The following VEGFC variants were observed in gnomAD, a reference collection of about 807,000 sequenced individuals.
VEGFC encodes the protein FLT4 ligand DHM.
Under a neutral mutation model 46.1 loss-of-function variants are expected in VEGFC, and 12 were observed. That is an observed-to-expected ratio of 0.26 (90% CI 0.17 to 0.42). The LOEUF (loss-of-function observed/expected upper bound fraction) is 0.42, where lower values mean the gene tolerates loss of function less well. Ranked by LOEUF, VEGFC falls within the 10% of genes least tolerant of loss-of-function variation. VEGFC has a pLI of 1.00. For synonymous variants in VEGFC, 232 were observed against 195.5 expected, an observed-to-expected ratio of 1.19 and a Z score of -1.56; for missense variants, 488 against 529.4, an observed-to-expected ratio of 0.92 and a Z score of 0.77.
chr4:176,697,505 G>A (rs930607340), intron 4 of VEGFC, among the ~76,000 whole-genome samples: 90 of 151,716 alleles, frequency 5.9e-4, no homozygotes, highest in Non-Finnish European at 1.1e-3. Context: ...GAGAGGATGT[G>A]GAGAAATAGG....
intron 4 of VEGFC, among the ~76,000 whole-genome samples, chr4:176,701,056 A>C (rs1478488132): frequency 6.6e-6 from 1 of 152,218 alleles, no homozygotes; most frequent in Non-Finnish European, 1.5e-5. Context: ...CAAAATCCAC[A>C]GAACTTACAC....
At chr4:176,711,698 A>C in intron 3 of VEGFC, 48 bp from the exon 4 acceptor site, 1 of 1,596,338 alleles carries the variant, frequency 6.3e-7, no homozygotes, top group Non-Finnish European at 8.6e-7. Context: ...GATGCTGTAA[A>C]GCACTTTTAT....
chr4:176,766,590 A>C (rs77249101), intron 1 of VEGFC, among the ~76,000 whole-genome samples: 1 of 146,062 alleles, frequency 6.8e-6, no homozygotes, highest in Non-Finnish European at 1.5e-5. Flanking sequence ...CTGTCTCAAA[A>C]AAAAAAAAAA....
chr4:176,723,338 T>C (rs901032889), intron 3 of VEGFC, among the ~76,000 whole-genome samples: 6 of 152,238 alleles, frequency 3.9e-5, no homozygotes, highest in Middle Eastern at 3.4e-3. Context: ...TATACATACA[T>C]ATATAAAGTT....
chr4:176,710,547 A>T (rs1188858479), intron 4 of VEGFC, among the ~76,000 whole-genome samples: 1 of 152,202 alleles, frequency 6.6e-6, no homozygotes, highest in African/African-American at 2.4e-5. Context: ...TTCAGTGGGG[A>T]AAACCATGGT....
At chr4:176,760,970 T>C (rs1472036222) in intron 1 of VEGFC, among the ~76,000 whole-genome samples, 1 of 152,202 alleles carries the variant, frequency 6.6e-6, no homozygotes, top group Non-Finnish European at 1.5e-5. Context: ...TTTATGATAC[T>C]GCAAGTCTGG....
chr4:176,690,463 A>T (rs1476799240), intron 4 of VEGFC, among the ~76,000 whole-genome samples: 3 of 151,650 alleles, frequency 2.0e-5, no homozygotes, highest in Non-Finnish European at 4.4e-5. Flanking sequence ...TTTTTCACTT[A>T]CCAATATTTC....
chr4:176,707,557 TATTC>T (rs1734555314), intron 4 of VEGFC, among the ~76,000 whole-genome samples: 1 of 151,980 alleles, frequency 6.6e-6, no homozygotes, highest in African/African-American at 2.4e-5. Context: ...ATAAGGCAAA[TATTC>T]ATAAAGGGAG....
At chr4:176,777,041 C>A (rs977611804) in intron 1 of VEGFC, among the ~76,000 whole-genome samples, 1 of 152,078 alleles carries the variant, frequency 6.6e-6, no homozygotes, top group African/African-American at 2.4e-5. Flanking sequence ...TGGCCGGGTG[C>A]GGTAGCTCAC....
In VEGFC at chr4:176,687,331, A is replaced by C. The variant is rs1734060127; in HGVS notation, c.1001T>G (p.Phe334Cys). The C allele has an allele frequency of 6.2e-7, 1 of 1,613,944 alleles. No individual in the cohort carries two copies. Among genetic ancestry groups the C allele is most frequent in the Non-Finnish European group, 8.5e-7 (1 of 1,179,978 alleles). ...FPSQCGANRE[F>C]DENTCQCVCK... ...TACACACTGGCATGTGTTTTCATCA[A>C]ATTCTCGGTTGGCCCCACATTGGCT... The change falls in exon 6 of 7, where the codon TTT becomes TGT. Residue 334 changes from phenylalanine to cysteine, a missense_variant. Transcript: ENST00000618562.
intron 1 of VEGFC, among the ~76,000 whole-genome samples, chr4:176,784,056 A>C (rs1373128878): frequency 6.1e-5 from 6 of 98,382 alleles, no homozygotes; most frequent in Non-Finnish European, 1.1e-4. Flanking sequence ...ATATGTATGC[A>C]CATGCTGTTT....
intron 4 of VEGFC, among the ~76,000 whole-genome samples, chr4:176,691,669 T>C (rs73872154): frequency 1.3e-5 from 2 of 152,218 alleles, no homozygotes; most frequent in Non-Finnish European, 2.9e-5. Context: ...ATGAATTTAA[T>C]GATAAATAAA....
At chr4:176,753,343 G>C (rs1735370975) in intron 1 of VEGFC, among the ~76,000 whole-genome samples, 1 of 152,024 alleles carries the variant, frequency 6.6e-6, no homozygotes, top group Non-Finnish European at 1.5e-5. Context: ...TTATGGAATT[G>C]ATTAGCTGTG....
At chr4:176,779,034 ATGCTAGAATG>A (rs1735863438) in intron 1 of VEGFC, among the ~76,000 whole-genome samples, 2 of 152,312 alleles carry the variant, frequency 1.3e-5, no homozygotes, top group South Asian at 4.1e-4. Flanking sequence ...CACACGCCAT[ATGCTAGAATG>A]TATAGTGCTG....
intron 4 of VEGFC, among the ~76,000 whole-genome samples, chr4:176,700,517 C>G (rs1009548592): frequency 7.9e-5 from 12 of 152,082 alleles, no homozygotes; most frequent in Non-Finnish European, 1.8e-4. Flanking sequence ...CTGAGACTGA[C>G]TTGGATATAA....
intron 3 of VEGFC, among the ~76,000 whole-genome samples, chr4:176,724,008 G>A (rs1448044138): frequency 2.6e-5 from 4 of 152,140 alleles, no homozygotes; most frequent in Non-Finnish European, 4.4e-5. Context: ...GGGGGTTGTT[G>A]CACAGATTAT....
chr4:176,741,083 T>C (rs149528345), intron 1 of VEGFC, among the ~76,000 whole-genome samples: 1 of 151,944 alleles, frequency 6.6e-6, no homozygotes, highest in African/African-American at 2.4e-5. Flanking sequence ...CTCTTATGTA[T>C]TGTTTGTTGC....
intron 1 of VEGFC, among the ~76,000 whole-genome samples, chr4:176,779,822 T>C (rs1735878161): frequency 6.6e-6 from 1 of 152,098 alleles, no homozygotes. Flanking sequence ...CCAGAAACTG[T>C]TCTGGACAAG....
rs889952980 is a variant in VEGFC at position 176,781,072 on chromosome 4, C to T, written c.147+11093G>A. On this transcript the variant is annotated intron_variant, in intron 1 of 6. Coordinates refer to ENST00000618562, the MANE Select transcript of VEGFC (RefSeq NM_005429.5). ...AATATTGCATTAAAATTTATGACATCATTATTTGCTTTAATGTGTATCTGA... is the reference window on the plus strand; with the variant it reads ...AATATTGCATTAAAATTTATGACATTATTATTTGCTTTAATGTGTATCTGA... 5.9e-5 allele frequency among the ~76,000 whole-genome samples: 9 copies of T among 152,266 alleles called. No homozygotes were observed. In the East Asian group the frequency reaches 1.7e-3, roughly 29 times the overall value.
Sources: allele counts gnomAD v4.1 joint callset (sites outside exome capture counted in the v4.1 genomes callset), GRCh38; gene constraint gnomAD v4.1.1; transcripts MANE v1.5; gene names NCBI Gene and HGNC (gene_info 2026-07-23, HGNC 2026-07-21).